The following NSD3 variants were observed in gnomAD, a reference collection of about 807,000 sequenced individuals.
The protein encoded by NSD3 is histone-lysine N-methyltransferase NSD3.
In NSD3, 24 loss-of-function variants were observed where a neutral mutation model predicts 160.8. The ratio of observed to expected loss-of-function variants is 0.15; its 90% CI spans 0.11 to 0.21. The LOEUF (loss-of-function observed/expected upper bound fraction) is 0.21, where lower values mean the gene tolerates loss of function less well. Ranked by LOEUF, NSD3 falls within the 10% of genes least tolerant of loss-of-function variation. The pLI is 1.00. For synonymous variants in NSD3, 520 were observed against 600.0 expected (o/e 0.87, Z 1.95); for missense variants, 1,157 against 1,735.9 (o/e 0.67, Z 5.93).
Position 38,316,334 on chromosome 8 carries a change from A to C in NSD3, c.1856-292T>G, listed in dbSNP as rs1210325943. The C allele has an allele frequency of 1.4e-5, 15 of 1,081,908 alleles. No homozygotes were observed. The Admixed American group carries it at 6.3e-4, about 45-fold the overall frequency. The allele number at this position is 1,081,908 out of a possible 1,614,324, so 67.0% of individuals were successfully genotyped here. ...CAACCTAAAAATCAATTCTATGAAA[A>C]TTGCAGGATAGCTGATGGATTTGGA... On this transcript the variant is annotated intron_variant, in intron 9 of 23. Coordinates refer to ENST00000317025, the MANE Select transcript of NSD3 (RefSeq NM_023034.2). The surrounding 1 kb of genome is among the most constrained non-coding windows in gnomAD (Gnocchi z 4.5).
At chr8:38,345,668 T>C (rs998154317) in intron 2 of NSD3, among the ~76,000 whole-genome samples, 2 of 151,884 alleles carry the variant, frequency 1.3e-5, no homozygotes, top group Non-Finnish European at 2.9e-5. Context: ...CCCGGCACTT[T>C]GAGAGGCCAA....
rs1809615062 is a variant in NSD3 at position 38,314,714 on chromosome 8, A to G, written c.2175T>C (p.Phe725=). ...IPCEGECCKH[F]HLECLGLASL... Reference sequence around the variant, plus strand: ...ATGCCAATCCCAGGCACTCCAGGTGAAAGTGTTTGCAGCACTCTCCCTCAC... The same window carrying G: ...ATGCCAATCCCAGGCACTCCAGGTGGAAGTGTTTGCAGCACTCTCCCTCAC... Residue 725 remains phenylalanine (F), a synonymous_variant, in exon 12 of 24, where the codon TTT becomes TTC. Transcript: ENST00000317025. 1 of 1,614,122 alleles carries G rather than the reference A, an allele frequency of 6.2e-7. No individual in the cohort carries two copies. Among genetic ancestry groups the G allele is most frequent in the African/African-American group, 1.3e-5 (1 of 74,940 alleles).
chr8:38,355,157 TC>T (rs1471166209), intron 1 of NSD3, among the ~76,000 whole-genome samples: 1 of 152,040 alleles, frequency 6.6e-6, no homozygotes, highest in Non-Finnish European at 1.5e-5. Flanking sequence ...CAAACTAAGT[TC>T]AAAAGCATAC....
At chr8:38,277,257 A>G (rs1301125250) in intron 22 of NSD3, among the ~76,000 whole-genome samples, 3 of 151,828 alleles carry the variant, frequency 2.0e-5, no homozygotes, top group Non-Finnish European at 4.4e-5. Flanking sequence ...TGACTTTTGA[A>G]TAGGGTGCTT....
intron 16 of NSD3, among the ~76,000 whole-genome samples, chr8:38,293,645 G>A (rs965712144): frequency 2.6e-5 from 4 of 151,546 alleles, no homozygotes; most frequent in African/African-American, 9.7e-5. Context: ...TTTTAGAGCC[G>A]GGCACAGTGG....
At chr8:38,328,662 A>C (rs1319957295) in intron 6 of NSD3, among the ~76,000 whole-genome samples, 3 of 152,236 alleles carry the variant, frequency 2.0e-5, no homozygotes, top group Non-Finnish European at 2.9e-5. Flanking sequence ...CTAAATCAGA[A>C]TCACAAACTC....
intron 12 of NSD3, among the ~76,000 whole-genome samples, chr8:38,311,014 A>C (rs1303364852): frequency 6.8e-6 from 1 of 146,468 alleles, no homozygotes; most frequent in South Asian, 2.2e-4. Flanking sequence ...TTTTGATACT[A>C]TTCATTCTAA....
rs377221169 is a variant in NSD3, at chr8:38,316,763, C to T, written c.1856-721G>A. ...GGAAGGCCTCTATGTGGAATTTGTG[C>T]GGGAAGAAATAAATAGGAAAAAAAA... On this transcript the variant is annotated intron_variant, in intron 9 of 23. Transcript: ENST00000317025. This position sits in a 1 kb window ranked among gnomAD's most constrained non-coding sequence, Gnocchi z 4.5. The T allele has an allele frequency of 4.7e-6, 5 of 1,057,020 alleles. No homozygotes were observed. The highest frequency in any genetic ancestry group is 3.4e-6 in the Non-Finnish European group (3 of 874,468). 65.5% of individuals were successfully genotyped at this position (1,057,020 alleles called of 1,614,324 possible). A position where few individuals can be genotyped will look rare whatever the true frequency, so the allele number is the denominator to read the frequency against.
intron 7 of NSD3, among the ~76,000 whole-genome samples, chr8:38,326,079 TG>T (rs1809904414): frequency 6.7e-6 from 1 of 148,580 alleles, no homozygotes; most frequent in Non-Finnish European, 1.5e-5. Flanking sequence ...ACCTGGGAGG[TG>T]GAGGTTGCAG....
intron 7 of NSD3, among the ~76,000 whole-genome samples, chr8:38,326,511 ATTATT>A: frequency 6.6e-6 from 1 of 152,368 alleles, no homozygotes; most frequent in East Asian, 1.9e-4. Flanking sequence ...ATAGAACCCT[ATTATT>A]TTAATTCTTG....
intron 2 of NSD3, among the ~76,000 whole-genome samples, chr8:38,344,388 C>T (rs967272282): frequency 2.0e-5 from 3 of 152,168 alleles, no homozygotes; most frequent in African/African-American, 7.2e-5. Context: ...TCCTGTGCCT[C>T]GGCCTCCCGA....
intron 1 of NSD3, among the ~76,000 whole-genome samples, chr8:38,373,223 ACTT>A (rs1217754244): frequency 6.6e-6 from 1 of 150,420 alleles, no homozygotes. Context: ...CCCGATGTTC[ACTT>A]CTTTTTTTTT....
In NSD3 at chr8:38,317,911, G is replaced by GA; in HGVS notation, c.1855+983dup. The stretch of plus-strand genomic sequence containing the variant: ...GCCGCCGACAAAGAAATCTTGCATG[G>GA]AGACTACAAGTCTGGAGTTTCTGGG... On this transcript the variant is annotated intron_variant, in intron 9 of 23. Coordinates refer to ENST00000317025, the MANE Select transcript of NSD3 (RefSeq NM_023034.2). This position sits in a 1 kb window ranked among gnomAD's most constrained non-coding sequence, Gnocchi z 5.3. The GA allele has an allele frequency of 6.2e-7, 1 of 1,612,184 alleles. No homozygotes were observed. The highest frequency in any genetic ancestry group is 8.5e-7 in the Non-Finnish European group (1 of 1,179,262).
chr8:38,274,412 T>A lies in NSD3; in HGVS notation c.*1229A>T, dbSNP rs1808551371. The A allele has an allele frequency of 6.6e-6, 1 of 152,208 alleles. No homozygotes were observed. The highest frequency in any genetic ancestry group is 2.4e-5 in the African/African-American group (1 of 41,450). 9.4% of individuals were successfully genotyped at this position (152,208 alleles called of 1,614,324 possible). ...CTAAGATGAAGTGTGTTTGTGTGGC[T>A]CTTATGCACCCTGTAAAAGTAGAAG... is the stretch of plus-strand genomic sequence containing the variant. On this transcript the variant is annotated 3_prime_UTR_variant, in exon 24 of 24. Transcript: ENST00000317025.
rs555457132 is a variant in NSD3 at position 38,299,489 on chromosome 8, G to A, written c.2713C>T (p.Pro905Ser). 1.9e-6 allele frequency: 3 copies of A among 1,613,652 alleles called. No homozygotes were observed. The African/African-American group carries it at 4.0e-5, about 22-fold the overall frequency. ...GAAGCTGACGAAGAAGGAATCATAG[G>A]TAATTTCATCAACTCAGCACGATTT... ...ESNRAELMKL[P>S]MIPSSSASKK... The change falls in exon 15 of 24, where the codon CCT becomes TCT. Residue 905 changes from proline to serine, a missense_variant. Pro to Ser is a moderately conservative substitution (Grantham distance 74). Around this residue, in one of 10 missense-constraint regions of NSD3, gnomAD observed 437 missense variants for 576.6 expected, o/e 0.76. Coordinates refer to ENST00000317025, the MANE Select transcript of NSD3 (RefSeq NM_023034.2).
intron 1 of NSD3, among the ~76,000 whole-genome samples, chr8:38,363,226 G>A (rs1243144701): frequency 1.3e-5 from 2 of 152,204 alleles, no homozygotes; most frequent in African/African-American, 2.4e-5. Context: ...CAAACACAAT[G>A]CTGCAATGGA....
chr8:38,310,522 T>G lies in NSD3; in HGVS notation c.2242+4125A>C, dbSNP rs572243641. The stretch of plus-strand genomic sequence containing the variant: ...AAATATCTGTTGGAGTCCTTTTTTT[T>G]TTGAGAGAGAGTCTCACTCTGGTTG... On this transcript the variant is annotated intron_variant, in intron 12 of 23. Transcript: ENST00000317025. Among the ~76,000 whole-genome samples, 3 of 152,212 alleles carry G rather than the reference T, an allele frequency of 2.0e-5. No homozygotes were observed. In the South Asian group the frequency reaches 6.2e-4, roughly 32 times the overall value.
chr8:38,334,778 C>T (rs1452202804), intron 4 of NSD3, among the ~76,000 whole-genome samples: 1 of 151,682 alleles, frequency 6.6e-6, no homozygotes, highest in Non-Finnish European at 1.5e-5. Context: ...ACAAAAAAAA[C>T]AGGTGAATTT....
At position 38,382,160 on chromosome 8, in the gene NSD3, G is replaced by C. The variant is rs1280581822; in HGVS notation, c.-406C>G. On this transcript the variant is annotated 5_prime_UTR_variant, in exon 1 of 24. Transcript: ENST00000317025. This position sits in a 1 kb window ranked among gnomAD's most constrained non-coding sequence, Gnocchi z 4.2. ...CTGGGTAGCACGGTCCTCGGCGCTC[G>C]GCTCGGAATTCGCACGCCTCTCCGC... The C allele has an allele frequency of 6.5e-6, 1 of 153,284 alleles. No homozygotes were observed. The highest frequency in any genetic ancestry group is 1.8e-4 in the South Asian group (1 of 5,706). 9.5% of individuals were successfully genotyped at this position (153,284 alleles called of 1,614,324 possible).
Sources: allele counts gnomAD v4.1 joint callset (sites outside exome capture counted in the v4.1 genomes callset), GRCh38; gene constraint gnomAD v4.1.1; regional missense constraint gnomAD v4.1.1; non-coding constraint Gnocchi (gnomAD v3.1); transcripts MANE v1.5; gene names NCBI Gene and HGNC (gene_info 2026-07-23, HGNC 2026-07-21).